The following MBOAT7 variants were observed in gnomAD, a reference collection of about 807,000 sequenced individuals.
MBOAT7 encodes membrane bound acylglycerophosphatidylinositol O-acyltransferase MBOAT7, also known as membrane-bound acylglycerophosphatidylinositol O-acyltransferase MBOAT7.
In MBOAT7, 40 loss-of-function variants were observed where a neutral mutation model predicts 47.4. The observed-to-expected ratio is 0.84, with a 90% CI of 0.66 to 1.10. The LOEUF is 1.10. Among genes scored for constraint, MBOAT7 ranks in the 50% least tolerant of loss-of-function variants. The probability of loss-of-function intolerance (pLI) is 0.00; values close to 1 mark genes in which losing one functional copy is unlikely to be tolerated. For synonymous variants in MBOAT7, 361 were observed against 292.0 expected (o/e 1.24, Z -2.41); for missense variants, 680 against 655.6 (o/e 1.04, Z -0.41).
At position 54,183,581 on chromosome 19, in the gene MBOAT7, C is replaced by CG; in HGVS notation, c.432dup (p.Asp145ArgfsTer151). On this transcript the variant is annotated frameshift_variant, in exon 5 of 8. Coordinates refer to ENST00000245615, the MANE Select transcript of MBOAT7 (RefSeq NM_024298.5). LOFTEE classifies it high-confidence loss of function. ...AGTGTCTCCATCAGGGAGGGCACGT[C>CG]GGGCAGCAGCCCCAGGGTGGGCCCC... 1 of 1,608,332 alleles carries CG rather than the reference C, an allele frequency of 6.2e-7. No individual in the cohort carries two copies. Among genetic ancestry groups the CG allele is most frequent in the Non-Finnish European group, 8.5e-7 (1 of 1,177,652 alleles).
rs965005197 is a variant in MBOAT7 at position 54,180,701 on chromosome 19, G to A, written c.854+72C>T. 2.7e-5 allele frequency: 38 copies of A among 1,393,838 alleles called. No individual in the cohort carries two copies. The Admixed American group carries it at 3.4e-4, about 13-fold the overall frequency. The allele number at this position is 1,393,838 out of a possible 1,614,324, so 86.3% of individuals were successfully genotyped here. A position where few individuals can be genotyped will look rare whatever the true frequency, so the allele number is the denominator to read the frequency against. Reference sequence around the variant, plus strand: ...GCCCCTTGCTCCCCGCTCTCCTCCCGGCTAGGGGCAGAGCCAGCCCTTGGA... The same window carrying A: ...GCCCCTTGCTCCCCGCTCTCCTCCCAGCTAGGGGCAGAGCCAGCCCTTGGA... On this transcript the variant is annotated intron_variant, in intron 6 of 7. Coordinates refer to ENST00000245615, the MANE Select transcript of MBOAT7 (RefSeq NM_024298.5). The surrounding 1 kb of genome is among the most constrained non-coding windows in gnomAD (Gnocchi z 5.2).
chr19:54,184,844 C>T (rs563414082), intron 4 of MBOAT7, among the ~76,000 whole-genome samples: 1 of 145,004 alleles, frequency 6.9e-6, no homozygotes, highest in Admixed American at 7.3e-5. Context: ...GCGGAGGTTG[C>T]GGTAAGCCAA....
intron 4 of MBOAT7, among the ~76,000 whole-genome samples, 179 bp from the exon 5 acceptor site, chr19:54,183,859 C>G (rs969727716): frequency 6.6e-6 from 1 of 152,196 alleles, no homozygotes; most frequent in Non-Finnish European, 1.5e-5. Context: ...GTCCCAGGCC[C>G]TCCTCCCCTT....
chr19:54,176,121 C>A (rs932231611), intron 7 of MBOAT7, among the ~76,000 whole-genome samples: 1 of 152,200 alleles, frequency 6.6e-6, no homozygotes, highest in Non-Finnish European at 1.5e-5. Flanking sequence ...TCCCAAAGTG[C>A]TGGGATTACA....
intron 4 of MBOAT7, among the ~76,000 whole-genome samples, chr19:54,185,776 A>C (rs1175503036): frequency 2.6e-5 from 4 of 151,486 alleles, no homozygotes; most frequent in Non-Finnish European, 4.4e-5. Flanking sequence ...GCTCACTGCA[A>C]CCTCCACCTT....
rs1364147355 is a variant in MBOAT7 at position 54,188,341 on chromosome 19, C to G, written c.82G>C (p.Gly28Arg). Reference protein sequence around the residue: ...IGFLFKKAGPGLKRWGAAAVG... With the variant: ...IGFLFKKAGPRLKRWGAAAVG... ...GCGGCTGCTCCCCATCTCTTCAGCCCAGGACCTGCAGGGGGAAGGGACAGC... is the reference window on the plus strand; with the variant it reads ...GCGGCTGCTCCCCATCTCTTCAGCCGAGGACCTGCAGGGGGAAGGGACAGC... Residue 28 changes from glycine to arginine, a missense_variant, in exon 3 of 8, where the codon GGG becomes CGG. Gly to Arg is a moderately radical substitution (Grantham distance 125). Coordinates refer to ENST00000245615, the MANE Select transcript of MBOAT7 (RefSeq NM_024298.5). 6.2e-7 allele frequency: 1 copy of G among 1,613,738 alleles called. No individual in the cohort carries two copies. Among genetic ancestry groups the G allele is most frequent in the Non-Finnish European group, 8.5e-7 (1 of 1,179,818 alleles).
Position 54,174,378 on chromosome 19 carries a change from T to C in MBOAT7, c.1085A>G (p.Tyr362Cys). The C allele has an allele frequency of 6.2e-7, 1 of 1,608,456 alleles. No homozygotes were observed. The highest frequency in any genetic ancestry group is 8.5e-7 in the Non-Finnish European group (1 of 1,177,242). ...CGGGATGGTCAGGAAGCTCAGGTAGTAGCCCGGGTGGAGGCCGTGCCAGTA... is the reference window on the plus strand; with the variant it reads ...CGGGATGGTCAGGAAGCTCAGGTAGCAGCCCGGGTGGAGGCCGTGCCAGTA... Reference protein sequence around the residue: ...SAYWHGLHPGYYLSFLTIPLC... With the variant: ...SAYWHGLHPGCYLSFLTIPLC... Residue 362 changes from tyrosine (Y) to cysteine (C), a missense_variant, in exon 8 of 8, where the codon TAC becomes TGC. Transcript: ENST00000245615.
rs2076508722 is a variant in MBOAT7, at chr19:54,188,224, G to A, written c.199C>T (p.Gln67Ter). The A allele has an allele frequency of 6.2e-7, 1 of 1,611,676 alleles. No individual in the cohort carries two copies. The highest frequency in any genetic ancestry group is 1.3e-5 in the African/African-American group (1 of 74,758). Residue 67 changes from glutamine (Q) to a stop codon, truncating the protein, a stop_gained, in exon 3 of 8, where the codon CAG becomes TAG. Coordinates refer to ENST00000245615, the MANE Select transcript of MBOAT7 (RefSeq NM_024298.5). LOFTEE classifies it high-confidence loss of function. ...ILGTWALIQA[Q>*]PCSCHALALA... Reference sequence around the variant, plus strand: ...CCTCCACCAAATTCTCACCAGGGCTGGGCCTGAATGAGGGCCCAGGTCCCG... The same window carrying A: ...CCTCCACCAAATTCTCACCAGGGCTAGGCCTGAATGAGGGCCCAGGTCCCG...
chr19:54,175,869 T>G (rs187712156), intron 7 of MBOAT7, among the ~76,000 whole-genome samples: 1 of 152,162 alleles, frequency 6.6e-6, no homozygotes, highest in African/African-American at 2.4e-5. Context: ...GGACTACAGG[T>G]GCCCACCACC....
intron 4 of MBOAT7, among the ~76,000 whole-genome samples, chr19:54,184,219 C>G (rs13347014): frequency 0.036 from 4,848 of 135,334 alleles, 267 homozygotes; most frequent in African/African-American, 0.13. Context: ...CTGGAGTATA[C>G]TGGTGTGATC....
chr19:54,185,242 G>A (rs1038061986), intron 4 of MBOAT7, among the ~76,000 whole-genome samples: 2 of 152,100 alleles, frequency 1.3e-5, no homozygotes, highest in Non-Finnish European at 2.9e-5. Context: ...ATTTTTTGTA[G>A]AGACAGGGTC....
chr19:54,174,330 C>T lies in MBOAT7; in HGVS notation c.1133G>A (p.Arg378Gln), dbSNP rs201012145. Residue 378 changes from arginine (R) to glutamine (Q), a missense_variant, in exon 8 of 8, where the codon CGG (arginine) becomes CAG (glutamine). Coordinates refer to ENST00000245615, the MANE Select transcript of MBOAT7 (RefSeq NM_024298.5). ...TIPLCLAAEGRLESALRGRLS... is the reference protein window; with the variant it reads ...TIPLCLAAEGQLESALRGRLS... ...CCGCCCCCGCAGGGCTGACTCCAGC[C>T]GGCCCTCGGCAGCCAGGCACAGCGG... The T allele has an allele frequency of 9.5e-5, 153 of 1,613,114 alleles. No individual in the cohort carries two copies. The highest frequency in any genetic ancestry group is 6.3e-4 in the Admixed American group (38 of 59,888).
At chr19:54,188,399 C>A in intron 2 of MBOAT7, 34 bp downstream of exon 2, 2 of 1,584,616 alleles carry the variant, frequency 1.3e-6, no homozygotes, top group Non-Finnish European at 1.7e-6. Context: ...GGTCCCCCCC[C>A]TTTATTTTCC....
intron 7 of MBOAT7, among the ~76,000 whole-genome samples, chr19:54,177,911 T>C (rs1477957916): frequency 1.5e-5 from 1 of 66,008 alleles, no homozygotes; most frequent in Non-Finnish European, 3.9e-5. Context: ...TTTTTTTTTT[T>C]TTTTTTTTTT....
chr19:54,174,204 G>C lies in MBOAT7; in HGVS notation c.1259C>G (p.Ala420Gly). 1 of 1,597,960 alleles carries C rather than the reference G, an allele frequency of 6.3e-7. No homozygotes were observed. The highest frequency in any genetic ancestry group is 1.1e-5 in the South Asian group (1 of 89,936). ...MCMGFVLLSL[A>G]DTLRYWASIY... Reference sequence around the variant, plus strand: ...GGAGGCCCAGTACCGAAGGGTGTCGGCCAAGGAGAGCAGCACGAAGCCCAT... The same window carrying C: ...GGAGGCCCAGTACCGAAGGGTGTCGCCCAAGGAGAGCAGCACGAAGCCCAT... The change falls in exon 8 of 8, where the codon GCC becomes GGC. Residue 420 changes from alanine (A) to glycine (G), a missense_variant. Ala to Gly is a moderately conservative substitution (Grantham distance 60). Transcript: ENST00000245615.
chr19:54,176,794 T>C (rs576685743), intron 7 of MBOAT7, among the ~76,000 whole-genome samples: 107 of 152,208 alleles, frequency 7.0e-4, no homozygotes, highest in African/African-American at 2.5e-3. Context: ...GGCTCATGCT[T>C]GTAATCTCAG....
chr19:54,187,144 C>A lies in MBOAT7; in HGVS notation c.333+17G>T, dbSNP rs778998959. 1.3e-6 allele frequency: 2 copies of A among 1,546,784 alleles called. No individual in the cohort carries two copies. Among genetic ancestry groups the A allele is most frequent in the East Asian group, 4.8e-5 (2 of 41,388 alleles). On this transcript the variant is annotated intron_variant, in intron 4 of 7. Coordinates refer to ENST00000245615, the MANE Select transcript of MBOAT7 (RefSeq NM_024298.5). ...CCACAGGGAGGCTGGAGGGGAGTGG[C>A]AAGCCCCGAGTCTGACCTTCAGCGT...
chr19:54,188,408 C>G (rs1359694167), intron 2 of MBOAT7, 25 bp downstream of exon 2: 1 of 1,577,312 alleles, frequency 6.3e-7, no homozygotes, highest in Admixed American at 1.8e-5. Context: ...CCTTTATTTT[C>G]CACTGGGGAG....
chr19:54,174,731 AC>A (rs1182715059), intron 7 of MBOAT7, among the ~76,000 whole-genome samples: 1 of 134,316 alleles, frequency 7.4e-6, no homozygotes, highest in East Asian at 2.5e-4. Flanking sequence ...ACCAGACCCC[AC>A]CTCCCTCCTC....
Sources: gnomAD v4.1 joint callset for allele counts (sites outside exome capture counted in the v4.1 genomes callset) on GRCh38, gnomAD v4.1.1 for gene constraint, Gnocchi (gnomAD v3.1) non-coding constraint, MANE v1.5 for transcripts, NCBI Gene and HGNC (gene_info 2026-07-23, HGNC 2026-07-21) for gene names.